The following KCNK13 variants were observed in gnomAD, a reference collection of about 807,000 sequenced individuals.
KCNK13 encodes potassium channel subfamily K member 13.
Under a neutral mutation model 23.4 loss-of-function variants are expected in KCNK13, and 12 were observed. The observed-to-expected ratio is 0.51, with a 90% CI of 0.33 to 0.83. The LOEUF (loss-of-function observed/expected upper bound fraction) is 0.83. Among genes scored for constraint, KCNK13 ranks in the 40% least tolerant of loss-of-function variants. The pLI, the probability that KCNK13 is intolerant of heterozygous loss-of-function variation, is 0.02. For missense variants in KCNK13, 463 were observed against 556.3 expected (o/e 0.83, Z 1.69); for synonymous variants, 231 against 229.5 (o/e 1.01, Z -0.06).
chr14:90,182,919 G>A (rs548034508), intron 1 of KCNK13, among the ~76,000 whole-genome samples: 2 of 151,578 alleles, frequency 1.3e-5, no homozygotes, highest in Non-Finnish European at 2.9e-5. Flanking sequence ...TTTTTTAATG[G>A]TGTTTGTAGT....
intron 1 of KCNK13, among the ~76,000 whole-genome samples, chr14:90,063,389 C>A (rs1596760993): frequency 6.6e-6 from 1 of 152,102 alleles, no homozygotes; most frequent in East Asian, 1.9e-4. Flanking sequence ...GTGTTTATTT[C>A]CCAGCAGAAG....
chr14:90,109,325 G>T (rs1216167021), intron 1 of KCNK13, among the ~76,000 whole-genome samples: 4 of 151,586 alleles, frequency 2.6e-5, no homozygotes, highest in South Asian at 2.1e-4. Context: ...TAGGTTCTAG[G>T]CTCAGATAAA....
At chr14:90,088,062 G>T (rs1889301973) in intron 1 of KCNK13, among the ~76,000 whole-genome samples, 1 of 152,034 alleles carries the variant, frequency 6.6e-6, no homozygotes, top group Non-Finnish European at 1.5e-5. Flanking sequence ...GAGTGCAGTG[G>T]TGTGATCTCA....
At chr14:90,179,499 A>G (rs1890461563) in intron 1 of KCNK13, among the ~76,000 whole-genome samples, 1 of 152,194 alleles carries the variant, frequency 6.6e-6, no homozygotes, top group Admixed American at 6.5e-5. Context: ...AGGACAGCAG[A>G]GAGCCTGGGA....
At chr14:90,126,069 A>ATTGGAAAATACTTAATTGGAAAG in intron 1 of KCNK13, among the ~76,000 whole-genome samples, 1 of 152,030 alleles carries the variant, frequency 6.6e-6, no homozygotes, top group Non-Finnish European at 1.5e-5. Context: ...AACTCCAATT[A>ATTGGAAAATACTTAATTGGAAAG]TTGGAAAATA....
At chr14:90,149,708 A>T (rs1410191130) in intron 1 of KCNK13, among the ~76,000 whole-genome samples, 1 of 152,160 alleles carries the variant, frequency 6.6e-6, no homozygotes, top group Non-Finnish European at 1.5e-5. Flanking sequence ...TGAGGTCATC[A>T]CAGCAGGCAT....
At chr14:90,106,659 T>C (rs1566952551) in intron 1 of KCNK13, among the ~76,000 whole-genome samples, 1 of 152,138 alleles carries the variant, frequency 6.6e-6, no homozygotes, top group Non-Finnish European at 1.5e-5. Flanking sequence ...AAATAAACTA[T>C]ACATATATTT....
rs567417727 is a variant in KCNK13 at position 90,143,147 on chromosome 14, CTTTCTTTCTTTCT to C, written c.335-40961_335-40949del. Among the ~76,000 whole-genome samples, 201 of 24,304 alleles carry C rather than the reference CTTTCTTTCTTTCT, an allele frequency of 8.3e-3. 5 individuals carry two copies. Among genetic ancestry groups the C allele is most frequent in the East Asian group, 0.063 (45 of 716 alleles). The allele number at this position is 24,304 out of a possible 152,430, so 15.9% of individuals were successfully genotyped here. ...CCCTGTTTTAGGAGAAGAGCAGAAA[CTTTCTTTCTTTCT>C]TTCTTTCTTTCTTTCTTTTCTTTTC... On this transcript the variant is annotated intron_variant, in intron 1 of 1. Transcript: ENST00000282146.
At chr14:90,160,357 C>T (rs578111357) in intron 1 of KCNK13, among the ~76,000 whole-genome samples, 1 of 152,112 alleles carries the variant, frequency 6.6e-6, no homozygotes, top group African/African-American at 2.4e-5. Context: ...ACCGAGTTTT[C>T]ATGAACAATT....
chr14:90,092,450 C>T (rs1216070606), intron 1 of KCNK13, among the ~76,000 whole-genome samples: 2 of 152,024 alleles, frequency 1.3e-5, no homozygotes, highest in Non-Finnish European at 2.9e-5. Context: ...AGTAAGGGCA[C>T]ACTTAAAAAG....
chr14:90,166,427 C>T (rs1052768914), intron 1 of KCNK13, among the ~76,000 whole-genome samples: 1 of 152,092 alleles, frequency 6.6e-6, no homozygotes, highest in Non-Finnish European at 1.5e-5. Flanking sequence ...TTTGGGTTGC[C>T]GGGCGCAGTG....
chr14:90,098,028 C>G (rs933712862), intron 1 of KCNK13, among the ~76,000 whole-genome samples: 3 of 152,142 alleles, frequency 2.0e-5, no homozygotes, highest in Non-Finnish European at 2.9e-5. Context: ...AGAAACTTCC[C>G]TCCTGGGGCG....
intron 1 of KCNK13, among the ~76,000 whole-genome samples, chr14:90,100,129 G>A (rs555240635): frequency 3.3e-5 from 5 of 152,258 alleles, no homozygotes; most frequent in South Asian, 2.1e-4. Flanking sequence ...TTTTGGAGTC[G>A]ATCCCACTTT....
chr14:90,118,573 C>T (rs1466002104), intron 1 of KCNK13, among the ~76,000 whole-genome samples: 2 of 152,116 alleles, frequency 1.3e-5, no homozygotes, highest in African/African-American at 4.8e-5. Flanking sequence ...CATTCGTGTA[C>T]ATGTATTTGT....
chr14:90,111,246 G>A (rs543695232), intron 1 of KCNK13, among the ~76,000 whole-genome samples: 52 of 152,292 alleles, frequency 3.4e-4, no homozygotes, highest in African/African-American at 1.2e-3. Context: ...GCTCTGGGGT[G>A]TCAGATAGAG....
chr14:90,120,515 C>G (rs893108474), intron 1 of KCNK13, among the ~76,000 whole-genome samples: 4 of 152,198 alleles, frequency 2.6e-5, no homozygotes, highest in Admixed American at 2.0e-4. Flanking sequence ...TCCTTCTTCA[C>G]ATGGTGGCAG....
At chr14:90,093,244 A>G (rs1889370505) in intron 1 of KCNK13, among the ~76,000 whole-genome samples, 1 of 152,206 alleles carries the variant, frequency 6.6e-6, no homozygotes, top group Admixed American at 6.5e-5. Context: ...CGCTTCTTCT[A>G]GATGTCTGTG....
chr14:90,123,056 G>T (rs911564695), intron 1 of KCNK13, among the ~76,000 whole-genome samples: 1 of 152,134 alleles, frequency 6.6e-6, no homozygotes, highest in Non-Finnish European at 1.5e-5. Flanking sequence ...TGCTTTAATT[G>T]TATTTATTGA....
At chr14:90,066,407 C>T (rs1397312800) in intron 1 of KCNK13, among the ~76,000 whole-genome samples, 1 of 152,092 alleles carries the variant, frequency 6.6e-6, no homozygotes, top group Non-Finnish European at 1.5e-5. Flanking sequence ...GCTGGGATTA[C>T]AGGTGCAAGC....
Sources: gnomAD v4.1 joint callset for allele counts (sites outside exome capture counted in the v4.1 genomes callset) on GRCh38, gnomAD v4.1.1 for gene constraint, MANE v1.5 for transcripts, NCBI Gene and HGNC (gene_info 2026-07-23, HGNC 2026-07-21) for gene names.